Variants in PLOD2 observed in about 807,000 individuals in gnomAD.
The protein encoded by PLOD2 is procollagen-lysine,2-oxoglutarate 5-dioxygenase 2, also known as lysine hydroxylase 2.
In PLOD2, 65 loss-of-function variants were observed where a neutral mutation model predicts 101.0. That is an observed-to-expected ratio of 0.64 (90% CI 0.53 to 0.79). The LOEUF is 0.79. Ranked by LOEUF, PLOD2 falls within the 30% of genes least tolerant of loss-of-function variation. The probability of loss-of-function intolerance (pLI) is 0.00; values close to 1 mark genes in which losing one functional copy is unlikely to be tolerated. For missense variants in PLOD2, 909 were observed against 914.6 expected, an observed-to-expected ratio of 0.99 and a Z score of 0.08; for synonymous variants, 314 against 302.9, an observed-to-expected ratio of 1.04 and a Z score of -0.38.
chr3:146,150,185 C>T (rs1165315348), intron 1 of PLOD2, among the ~76,000 whole-genome samples: 1 of 152,158 alleles, frequency 6.6e-6, no homozygotes, highest in Non-Finnish European at 1.5e-5. Flanking sequence ...TATACGTATG[C>T]ACATAAATAC....
chr3:146,119,596 C>T (rs1576609422), intron 3 of PLOD2, among the ~76,000 whole-genome samples: 2 of 151,944 alleles, frequency 1.3e-5, no homozygotes, highest in Admixed American at 1.3e-4. Flanking sequence ...TCCCCCATTC[C>T]CCCACTCCAC....
At position 146,121,195 on chromosome 3, in the gene PLOD2, T is replaced by C. The variant is rs748762866; in HGVS notation, c.255A>G (p.Gly85=). 5.2e-5 allele frequency: 83 copies of C among 1,607,866 alleles called. No individual in the cohort carries two copies. Among genetic ancestry groups the C allele is most frequent in the Non-Finnish European group, 6.7e-5 (79 of 1,174,620 alleles). The change falls in exon 3 of 20, where the codon GGA becomes GGG. Residue 85 remains glycine (G), a synonymous_variant. Transcript: ENST00000282903. ...WRGGDGINSI[G]GGQKVRLMKE... is the part of the protein sequence containing the mutation. ...TCATTAATCTCACTTTCTGGCCCCC[T>C]CCAATACTATTAATTCCATCACCAC...
intron 3 of PLOD2, among the ~76,000 whole-genome samples, chr3:146,118,624 A>G (rs1341885463): frequency 1.3e-5 from 2 of 152,142 alleles, no homozygotes; most frequent in African/African-American, 2.4e-5. Flanking sequence ...CACAGAAAAT[A>G]AAATAAAGGA....
chr3:146,155,376 T>C (rs967164618), intron 1 of PLOD2, among the ~76,000 whole-genome samples: 1 of 151,936 alleles, frequency 6.6e-6, no homozygotes, highest in Non-Finnish European at 1.5e-5. Context: ...AATTCTACTA[T>C]TCTAGATAAC....
chr3:146,083,577 CTT>C (rs869301001), intron 11 of PLOD2, among the ~76,000 whole-genome samples: 16,883 of 73,380 alleles, frequency 0.23, 741 homozygotes, highest in East Asian at 0.34. Context: ...AAGTCTTTTT[CTT>C]TTTTTTTTTT....
chr3:146,080,279 ATAAAG>A (rs1453442354), intron 12 of PLOD2, among the ~76,000 whole-genome samples: 5 of 151,608 alleles, frequency 3.3e-5, no homozygotes. Flanking sequence ...TAATTTATAC[ATAAAG>A]TACAGTAAGA....
chr3:146,156,230 G>A (rs2032298501), intron 1 of PLOD2, among the ~76,000 whole-genome samples: 1 of 152,194 alleles, frequency 6.6e-6, no homozygotes, highest in South Asian at 2.1e-4. Context: ...CTACTGTCCA[G>A]AAGCCAGCTC....
At position 146,071,976 on chromosome 3, in the gene PLOD2, T is replaced by G. The variant is rs568927759; in HGVS notation, c.1849-553A>C. On this transcript the variant is annotated intron_variant, in intron 17 of 19. Coordinates refer to ENST00000282903, the MANE Select transcript of PLOD2 (RefSeq NM_182943.3). ...TTATCAGCTCATTACCTGGGGGACATAACCGTGCAGAGGCAGTAATATTCC... is the reference window on the plus strand; with the variant it reads ...TTATCAGCTCATTACCTGGGGGACAGAACCGTGCAGAGGCAGTAATATTCC... Among the ~76,000 whole-genome samples the G allele has an allele frequency of 1.8e-4, 27 of 151,858 alleles. No homozygotes were observed. In the South Asian group the frequency reaches 5.6e-3, roughly 31 times the overall value.
chr3:146,128,152 A>G (rs1181072951), intron 1 of PLOD2, among the ~76,000 whole-genome samples: 1 of 152,194 alleles, frequency 6.6e-6, no homozygotes, highest in African/African-American at 2.4e-5. Context: ...TTAAATAACT[A>G]TAATTAATAC....
intron 4 of PLOD2, among the ~76,000 whole-genome samples, chr3:146,107,583 C>T (rs1253020635): frequency 6.7e-6 from 1 of 149,568 alleles, no homozygotes; most frequent in Non-Finnish European, 1.5e-5. Context: ...TGACCAAAAC[C>T]AATCAATGGT....
chr3:146,079,124 T>C lies in PLOD2; in HGVS notation c.1492A>G (p.Arg498Gly). Residue 498 changes from arginine (R) to glycine (G), a missense_variant, in exon 13 of 20, where the codon AGA becomes GGA. Physicochemically the swap from Arg to Gly is moderately radical, Grantham distance 125 (BLOSUM62 -2). Coordinates refer to ENST00000282903, the MANE Select transcript of PLOD2 (RefSeq NM_182943.3). ...ATCACTGCATATCTTACCATTTCTC[T>C]AGCATTTCGGCAAAGAGCCATATCA... ...DPDMALCRNA[R>G]EMTLQREKDS... 6.2e-7 allele frequency: 1 copy of C among 1,612,728 alleles called. No individual in the cohort carries two copies. Among genetic ancestry groups the C allele is most frequent in the Non-Finnish European group, 8.5e-7 (1 of 1,178,922 alleles).
intron 1 of PLOD2, among the ~76,000 whole-genome samples, chr3:146,158,167 A>G (rs1180971608): frequency 6.6e-6 from 1 of 152,142 alleles, no homozygotes; most frequent in African/African-American, 2.4e-5. Context: ...TATCCCATCT[A>G]GAAGGCAGAA....
intron 3 of PLOD2, among the ~76,000 whole-genome samples, chr3:146,111,537 A>G (rs1002589425): frequency 1.3e-5 from 2 of 152,238 alleles, no homozygotes; most frequent in African/African-American, 2.4e-5. Context: ...CACTGAACAA[A>G]GTTAAAAATT....
At chr3:146,104,201 G>A (rs2108057136) in intron 6 of PLOD2, 78 bp downstream of exon 6, 1 of 850,606 alleles carries the variant, frequency 1.2e-6, no homozygotes, top group African/African-American at 1.7e-5. Context: ...CCCCCAAATG[G>A]ACATAACAAA....
chr3:146,111,814 A>G (rs1436069791), intron 3 of PLOD2, among the ~76,000 whole-genome samples: 2 of 151,628 alleles, frequency 1.3e-5, no homozygotes. Context: ...TTTAACGGTG[A>G]TATTTTCCTC....
At chr3:146,106,218 AAT>A (rs1330768024) in intron 5 of PLOD2, among the ~76,000 whole-genome samples, 4 of 152,304 alleles carry the variant, frequency 2.6e-5, no homozygotes, top group Admixed American at 2.6e-4. Context: ...AAGTCATTTC[AAT>A]ATGTGTTTCA....
chr3:146,086,731 T>G, intron 10 of PLOD2, 56 bp downstream of exon 10: 1 of 1,216,780 alleles, frequency 8.2e-7, no homozygotes, highest in Non-Finnish European at 1.1e-6. Flanking sequence ...GTTTATTTTT[T>G]CTTAACGTTT....
chr3:146,094,270 A>C (rs1257861372), intron 7 of PLOD2, among the ~76,000 whole-genome samples: 4 of 152,242 alleles, frequency 2.6e-5, no homozygotes, highest in African/African-American at 7.2e-5. Flanking sequence ...TCAAGGTCAC[A>C]GTGACCCAAG....
chr3:146,148,143 T>A (rs1386927761), intron 1 of PLOD2, among the ~76,000 whole-genome samples: 6 of 151,940 alleles, frequency 3.9e-5, no homozygotes, highest in Non-Finnish European at 5.9e-5. Flanking sequence ...TGGATCCGGA[T>A]CAAACAAACC....
Sources: gnomAD v4.1 joint callset for allele counts (sites outside exome capture counted in the v4.1 genomes callset) on GRCh38, gnomAD v4.1.1 for gene constraint, MANE v1.5 for transcripts, NCBI Gene and HGNC (gene_info 2026-07-23, HGNC 2026-07-21) for gene names.